The following LIPH variants were observed in gnomAD, a reference collection of about 807,000 sequenced individuals.
LIPH encodes lipase member H.
A neutral mutation model predicts 47.6 loss-of-function variants in LIPH; 32 were observed. The ratio of observed to expected loss-of-function variants is 0.67; its 90% CI spans 0.51 to 0.90. The LOEUF is 0.90. Among genes scored for constraint, LIPH ranks in the 40% least tolerant of loss-of-function variants. The pLI, the probability that LIPH is intolerant of heterozygous loss-of-function variation, is 0.00. For synonymous variants in LIPH, 190 were observed against 195.6 expected, an observed-to-expected ratio of 0.97 and a Z score of 0.24; for missense variants, 497 against 541.4, an observed-to-expected ratio of 0.92 and a Z score of 0.81.
intron 8 of LIPH, 46 bp downstream of exon 8, chr3:185,514,364 G>A (rs1388985848): frequency 1.2e-6 from 1 of 839,942 alleles, no homozygotes. Flanking sequence ...ATTTCTCTGA[G>A]CAAAAAGGGA....
chr3:185,535,684 C>A (rs1354302994), intron 1 of LIPH, among the ~76,000 whole-genome samples: 1 of 152,096 alleles, frequency 6.6e-6, no homozygotes, highest in Non-Finnish European at 1.5e-5. Context: ...CTCACTGCAA[C>A]CTCCGCCTCC....
intron 1 of LIPH, among the ~76,000 whole-genome samples, chr3:185,544,925 CG>C (rs1467890413): frequency 6.6e-6 from 1 of 152,126 alleles, no homozygotes; most frequent in African/African-American, 2.4e-5. Flanking sequence ...CCACCACACC[CG>C]GCCTCATTCT....
Position 185,511,538 on chromosome 3 carries a change from A to C in LIPH, c.1254T>G (p.Leu418=). 1.2e-6 allele frequency: 2 copies of C among 1,614,140 alleles called. No homozygotes were observed. Among genetic ancestry groups the C allele is most frequent in the East Asian group, 2.2e-5 (1 of 44,876 alleles). The change falls in exon 9 of 10, where the codon CTT becomes CTG. Residue 418 remains leucine (L), a synonymous_variant. Transcript: ENST00000296252. The part of the protein sequence containing the change: ...LRILRMKLRS[L]AHPERPQLCR... ...CCTCAGCTCACCTCTCCGGATGGGCAAGGGACCTTAACTTCATTCGGAGAA... is the reference window on the plus strand; with the variant it reads ...CCTCAGCTCACCTCTCCGGATGGGCCAGGGACCTTAACTTCATTCGGAGAA...
At position 185,541,809 on chromosome 3, in the gene LIPH, C is replaced by T. The variant is rs546573623; in HGVS notation, c.50-6677G>A. 1.9e-4 allele frequency among the ~76,000 whole-genome samples: 29 copies of T among 150,552 alleles called. 1 individual carries two copies. Among genetic ancestry groups the T allele is most frequent in the Non-Finnish European group, 3.5e-4 (24 of 67,724 alleles). ...TCTCACTCTGTCAACCAGGCTGGAG[C>T]GCAGGGTCATGATCTTGGCTCACTA... On this transcript the variant is annotated intron_variant, in intron 1 of 9. Coordinates refer to ENST00000296252, the MANE Select transcript of LIPH (RefSeq NM_139248.3).
At position 185,527,518 on chromosome 3, in the gene LIPH, C is replaced by A. The variant is rs772281341; in HGVS notation, c.594G>T (p.Ala198=). The change falls in exon 4 of 10, where the codon GCG becomes GCT. Residue 198 remains alanine (A), a synonymous_variant. Transcript: ENST00000296252. ...PHQDRLDPSD[A]QFVDVIHSDT... ...CGGAATGGATGACATCAACAAACTGCGCATCACTGGGATCTAATCTGTCTT... is the reference window on the plus strand; with the variant it reads ...CGGAATGGATGACATCAACAAACTGAGCATCACTGGGATCTAATCTGTCTT... 8.7e-6 allele frequency: 14 copies of A among 1,612,676 alleles called. No homozygotes were observed.
At position 185,514,430 on chromosome 3, in the gene LIPH, G is replaced by T; in HGVS notation, c.1074C>A (p.Thr358=). Residue 358 remains threonine (T), a synonymous_variant, in exon 8 of 10, where the codon ACC becomes ACA. Transcript: ENST00000296252. ...CTTACTGATTGATTTTGGATTCTGT[G>T]GTGTTTCCAGCTTTGTCTCTCAATT... ...TIKLRDKAGN[T]TESKINHEPT... The T allele has an allele frequency of 6.5e-7, 1 of 1,538,374 alleles. No homozygotes were observed. The highest frequency in any genetic ancestry group is 9.0e-7 in the Non-Finnish European group (1 of 1,110,858).
chr3:185,517,255 C>A (rs1400572716), intron 6 of LIPH, 93 bp from the exon 7 acceptor site: 3 of 764,916 alleles, frequency 3.9e-6, no homozygotes, highest in African/African-American at 3.4e-5. Context: ...TTGACTGTAT[C>A]CACCACTTCT....
chr3:185,534,437 C>A (rs547597092), intron 2 of LIPH, among the ~76,000 whole-genome samples: 1 of 152,144 alleles, frequency 6.6e-6, no homozygotes, highest in South Asian at 2.1e-4. Context: ...TGTAAGACAC[C>A]TTTATTGTGA....
intron 7 of LIPH, 84 bp from the exon 8 acceptor site, chr3:185,514,605 C>T: frequency 1.3e-6 from 1 of 758,960 alleles, no homozygotes; most frequent in East Asian, 2.5e-5. Flanking sequence ...ACTGAACCTC[C>T]CTAATCACTG....
At chr3:185,538,615 T>A (rs1720574516) in intron 1 of LIPH, among the ~76,000 whole-genome samples, 2 of 90,610 alleles carry the variant, frequency 2.2e-5, no homozygotes, top group African/African-American at 7.5e-5. Context: ...TTTGTAGATT[T>A]TTTCTTTTAT....
At chr3:185,536,556 C>T (rs1482368715) in intron 1 of LIPH, among the ~76,000 whole-genome samples, 1 of 152,122 alleles carries the variant, frequency 6.6e-6, no homozygotes, top group East Asian at 1.9e-4. Flanking sequence ...CCTTGCCCAT[C>T]TTTAATAACC....
At chr3:185,508,900 C>A in intron 9 of LIPH, 23 bp from the exon 10 acceptor site, 1 of 1,404,026 alleles carries the variant, frequency 7.1e-7, no homozygotes, top group Non-Finnish European at 1.0e-6. Context: ...GACAAAATAT[C>A]CTTGTAAATG....
chr3:185,548,909 G>A (rs1431679068), intron 1 of LIPH, among the ~76,000 whole-genome samples: 2 of 151,812 alleles, frequency 1.3e-5, no homozygotes, highest in African/African-American at 2.4e-5. Flanking sequence ...CGAGGCAGGG[G>A]GATCACGAGG....
Position 185,524,128 on chromosome 3 carries a change from C to CT in LIPH, c.660dup (p.Asp221ArgfsTer25). 3.7e-6 allele frequency: 6 copies of CT among 1,613,426 alleles called. No individual in the cohort carries two copies. The highest frequency in any genetic ancestry group is 5.1e-6 in the Non-Finnish European group (6 of 1,179,362). ...TCCAATCCTCCATTTGGGTAGAAGT[C>CT]TATGTTTCCTAATGGCTCCTTGTAG... On this transcript the variant is annotated frameshift_variant, in exon 5 of 10. Transcript: ENST00000296252.
intron 1 of LIPH, chr3:185,547,066 G>C (rs906550221): frequency 3.0e-6 from 1 of 329,032 alleles, no homozygotes; most frequent in Non-Finnish European, 5.9e-6. Context: ...GTTTGAACCC[G>C]GGAGGCGGAG....
Position 185,535,076 on chromosome 3 carries a change from C to A in LIPH, c.106G>T (p.Gly36Cys), listed in dbSNP as rs906946330. 13 of 1,613,934 alleles carry A rather than the reference C, an allele frequency of 8.1e-6. No individual in the cohort carries two copies. Among genetic ancestry groups the A allele is most frequent in the African/African-American group, 1.3e-5 (1 of 74,870 alleles). The change falls in exon 2 of 10, where the codon GGT (glycine) becomes TGT (cysteine). Residue 36 changes from glycine (G) to cysteine (C), a missense_variant. Physicochemically the swap from Gly to Cys is radical, Grantham distance 159. Transcript: ENST00000296252. The stretch of plus-strand genomic sequence containing the variant: ...ATCAGCCTCACATTTAGTCCCGTAC[C>A]AACCACTGCACTGTGAAAGCTCAGC... Reference protein sequence around the residue: ...TRLSFHSAVVGTGLNVRLMLY... With the variant: ...TRLSFHSAVVCTGLNVRLMLY...
chr3:185,548,316 A>C (rs779965531), intron 1 of LIPH, among the ~76,000 whole-genome samples: 2 of 151,878 alleles, frequency 1.3e-5, no homozygotes, highest in Non-Finnish European at 2.9e-5. Flanking sequence ...GAGGCAGGAG[A>C]ATTGCTAGAA....
At chr3:185,519,379 T>C in intron 5 of LIPH, 70 bp from the exon 6 acceptor site, 1 of 916,710 alleles carries the variant, frequency 1.1e-6, no homozygotes, top group Non-Finnish European at 1.8e-6. Context: ...TCACATATTC[T>C]ATACACACAC....
chr3:185,515,189 G>C (rs1329605559), intron 7 of LIPH, among the ~76,000 whole-genome samples: 1 of 151,698 alleles, frequency 6.6e-6, no homozygotes, highest in Non-Finnish European at 1.5e-5. Flanking sequence ...ATGCAAGAAA[G>C]GGTGATAATA....
Sources: allele counts gnomAD v4.1 joint callset (sites outside exome capture counted in the v4.1 genomes callset), GRCh38; gene constraint gnomAD v4.1.1; transcripts MANE v1.5; gene names NCBI Gene and HGNC (gene_info 2026-07-23, HGNC 2026-07-21).